The following PSMA1 variants were observed in gnomAD, a reference collection of about 807,000 sequenced individuals.
PSMA1 encodes the protein proteasome 20S subunit alpha 1.
PSMA1 carries 3 observed loss-of-function variants against 38.4 expected under a neutral mutation model. The ratio of observed to expected loss-of-function variants is 0.08; its 90% confidence interval spans 0.04 to 0.20. The LOEUF (loss-of-function observed/expected upper bound fraction) is 0.20. Ranked by LOEUF, PSMA1 falls within the 10% of genes least tolerant of loss-of-function variation. The probability of loss-of-function intolerance (pLI) is 1.00; values close to 1 mark genes in which losing one functional copy is unlikely to be tolerated. For synonymous variants in PSMA1, 101 were observed against 107.1 expected, an observed-to-expected ratio of 0.94 and a Z score of 0.35; for missense variants, 227 against 325.3, an observed-to-expected ratio of 0.70 and a Z score of 2.32.
At chr11:14,632,617 G>A (rs1483457485) in intron 1 of PSMA1, among the ~76,000 whole-genome samples, 5 of 151,222 alleles carry the variant, frequency 3.3e-5, no homozygotes, top group African/African-American at 7.3e-5. Flanking sequence ...CTTCATTTCA[G>A]CTTTGGTGAA....
At chr11:14,557,411 T>G (rs1482183198) in intron 2 of PSMA1, among the ~76,000 whole-genome samples, 1 of 152,022 alleles carries the variant, frequency 6.6e-6, no homozygotes. Context: ...ACCCAGCTAA[T>G]TTTTGTATTT....
At chr11:14,613,103 T>C (rs1046681548) in intron 1 of PSMA1, among the ~76,000 whole-genome samples, 3 of 152,212 alleles carry the variant, frequency 2.0e-5, no homozygotes, top group African/African-American at 7.2e-5. Context: ...AATAGAGGAT[T>C]TTAACAAATA....
chr11:14,552,850 G>A (rs1851902029), intron 2 of PSMA1, among the ~76,000 whole-genome samples: 1 of 142,610 alleles, frequency 7.0e-6, no homozygotes, highest in South Asian at 2.2e-4. Flanking sequence ...TTGAGACAGG[G>A]TCTGGCTTTA....
intron 4 of PSMA1, among the ~76,000 whole-genome samples, chr11:14,515,299 A>G (rs1171593921): frequency 6.6e-6 from 1 of 152,214 alleles, no homozygotes; most frequent in Admixed American, 6.5e-5. Context: ...AAAAGTAGCT[A>G]GACTGAATTG....
intron 1 of PSMA1, among the ~76,000 whole-genome samples, chr11:14,612,186 T>C (rs943395288): frequency 2.0e-5 from 3 of 152,206 alleles, no homozygotes; most frequent in Non-Finnish European, 4.4e-5. Flanking sequence ...TTATGAAACT[T>C]ATGTGTAGTT....
chr11:14,526,913 C>T lies in PSMA1; in HGVS notation c.22-7872G>A, dbSNP rs1000717165. The stretch of plus-strand genomic sequence containing the variant: ...TATCACTGAGGCTACCACTCTGCCC[C>T]CCTCCACTATCTCTCAGCAAGCCTA... On this transcript the variant is annotated intron_variant, in intron 2 of 10. Transcript: ENST00000418988. Among the ~76,000 whole-genome samples, 11 of 152,270 alleles carry T rather than the reference C, an allele frequency of 7.2e-5. No homozygotes were observed. In the East Asian group the frequency reaches 1.4e-3, roughly 19 times the overall value.
intron 2 of PSMA1, among the ~76,000 whole-genome samples, chr11:14,568,679 T>C (rs1190640822): frequency 6.6e-6 from 1 of 152,356 alleles, no homozygotes; most frequent in South Asian, 2.1e-4. Context: ...TAAAGAACTT[T>C]AGAGTTTAAG....
At chr11:14,512,377 G>GAA (rs1309393081) in intron 7 of PSMA1, among the ~76,000 whole-genome samples, 2 of 137,964 alleles carry the variant, frequency 1.4e-5, no homozygotes, top group East Asian at 2.1e-4. Context: ...CCCGTCTCAG[G>GAA]AAAAAAAAAA....
intron 4 of PSMA1, among the ~76,000 whole-genome samples, chr11:14,515,555 C>CTT (rs779183596): frequency 7.4e-6 from 1 of 135,976 alleles, no homozygotes; most frequent in Non-Finnish European, 1.6e-5. Flanking sequence ...AATTGAAATT[C>CTT]TTTTTTTTTT....
intron 2 of PSMA1, among the ~76,000 whole-genome samples, chr11:14,592,535 G>A (rs562331709): frequency 5.5e-4 from 84 of 152,050 alleles, no homozygotes; most frequent in Admixed American, 8.5e-4. Context: ...ACAGGCGCCC[G>A]CCACCACACC....
rs1171535149 is a variant in PSMA1, at chr11:14,610,966, C to T, written c.21G>A (p.Lys7=). ...TATCAAAAAGCAAAGATATTCTCAC[C>T]TTCACCTTGCTGAGCTGCATAACAT... is the stretch of plus-strand genomic sequence containing the variant. Residue 7 remains lysine (K), a splice_region_variant and synonymous_variant, in exon 2 of 11, where the codon AAG becomes AAA. Coordinates refer to the PSMA1 transcript ENST00000418988. The T allele has an allele frequency of 3.1e-6, 5 of 1,612,924 alleles. No individual in the cohort carries two copies. In the Admixed American group the frequency reaches 8.3e-5, roughly 27 times the overall value.
chr11:14,519,271 T>A, intron 1 of PSMA1: 1 of 584,260 alleles, frequency 1.7e-6, no homozygotes, highest in Non-Finnish European at 3.2e-6. Flanking sequence ...TCCAAACTCT[T>A]ATTCTAACAC....
intron 2 of PSMA1, among the ~76,000 whole-genome samples, chr11:14,609,574 G>C (rs376675039): frequency 1.2e-4 from 19 of 152,286 alleles, no homozygotes; most frequent in African/African-American, 4.3e-4. Flanking sequence ...AGACTATTTT[G>C]AATAAAAACC....
intron 9 of PSMA1, among the ~76,000 whole-genome samples, chr11:14,505,904 C>T (rs1002763556): frequency 3.3e-5 from 5 of 151,828 alleles, no homozygotes; most frequent in African/African-American, 9.7e-5. Context: ...TACTTGGTGG[C>T]GCGGGGGAAG....
chr11:14,602,992 G>C (rs1322420493), intron 2 of PSMA1, among the ~76,000 whole-genome samples: 1 of 152,204 alleles, frequency 6.6e-6, no homozygotes, highest in Non-Finnish European at 1.5e-5. Context: ...GTGGGGGTTT[G>C]ATGTGGGGGC....
At chr11:14,626,239 A>G (rs1000091015) in intron 1 of PSMA1, among the ~76,000 whole-genome samples, 6 of 152,014 alleles carry the variant, frequency 3.9e-5, no homozygotes, top group Non-Finnish European at 7.3e-5. Flanking sequence ...TGAGCAAAAC[A>G]CTACTAGAAA....
In PSMA1 at chr11:14,520,358, C is replaced by G. The variant is rs1851508665; in HGVS notation, c.-59G>C. 6.2e-7 allele frequency: 1 copy of G among 1,614,114 alleles called. No homozygotes were observed. The highest frequency in any genetic ancestry group is 1.7e-5 in the Admixed American group (1 of 60,018). On this transcript the variant is annotated 5_prime_UTR_variant, in exon 1 of 10. Transcript: ENST00000396394. ...AAAACTGAGAATCAAGGAGGTGCTG[C>G]CGAAAGTATCGCTCAGCGATCTACA...
intron 1 of PSMA1, among the ~76,000 whole-genome samples, chr11:14,624,839 T>C (rs1284066487): frequency 2.0e-5 from 3 of 152,008 alleles, no homozygotes; most frequent in Non-Finnish European, 4.4e-5. Flanking sequence ...TTGAAAAGGG[T>C]ATGACTGCCA....
chr11:14,517,077 T>G (rs1453522820), intron 4 of PSMA1, among the ~76,000 whole-genome samples: 1 of 152,210 alleles, frequency 6.6e-6, no homozygotes, highest in Non-Finnish European at 1.5e-5. Flanking sequence ...TTCATTTATG[T>G]ATTGCCTTTT....
Sources: allele counts gnomAD v4.1 joint callset (sites outside exome capture counted in the v4.1 genomes callset), GRCh38; gene constraint gnomAD v4.1.1; transcripts MANE v1.5; gene names NCBI Gene and HGNC (gene_info 2026-07-23, HGNC 2026-07-21).